Variants in CA11 observed in about 807,000 individuals in gnomAD.
The protein encoded by CA11 is carbonic anhydrase-related protein 11.
CA11 carries 20 observed loss-of-function variants against 39.3 expected under a neutral mutation model. The ratio of observed to expected loss-of-function variants is 0.51; its 90% confidence interval spans 0.36 to 0.74. CA11 has a LOEUF of 0.74. Ranked by LOEUF, CA11 falls within the 30% of genes least tolerant of loss-of-function variation. The pLI, the probability that CA11 is intolerant of heterozygous loss-of-function variation, is 0.00. For missense variants in CA11, 336 were observed against 424.6 expected (o/e 0.79, Z 1.83); for synonymous variants, 166 against 172.5 (o/e 0.96, Z 0.29).
intron 3 of CA11, among the ~76,000 whole-genome samples, chr19:48,642,705 G>T (rs768419898): frequency 2.4e-4 from 37 of 152,124 alleles, no homozygotes; most frequent in Non-Finnish European, 5.0e-4. Context: ...TTGAGAGGCA[G>T]GCCAGTGAGG....
rs570262876 is a variant in CA11, at chr19:48,645,387, C to T, written c.142+16G>A. The T allele has an allele frequency of 2.6e-5, 40 of 1,567,588 alleles. No homozygotes were observed. The highest frequency in any genetic ancestry group is 2.1e-4 in the East Asian group (9 of 42,604). On this transcript the variant is annotated intron_variant, in intron 2 of 8. Transcript: ENST00000084798. ...GCCGGGAGGGCCGGACTCCTGGGTC[C>T]CCGCCTTGGCGGCACCTGGCACGAA... is the stretch of plus-strand genomic sequence containing the variant.
chr19:48,638,374 T>TGGGGGGG (rs10561261), intron 8 of CA11: 1 of 76,660 alleles, frequency 1.3e-5, no homozygotes, highest in Non-Finnish European at 1.9e-5. Flanking sequence ...AAGGTCTTCA[T>TGGGGGGG]GGGGGGGGGG....
At position 48,639,860 on chromosome 19, in the gene CA11, C is replaced by T; in HGVS notation, c.495G>A (p.Gln165=). 1 of 1,614,118 alleles carries T rather than the reference C, an allele frequency of 6.2e-7. No individual in the cohort carries two copies. The highest frequency in any genetic ancestry group is 8.5e-7 in the Non-Finnish European group (1 of 1,180,006). Residue 165 remains glutamine (Q), a synonymous_variant, in exon 5 of 9, where the codon CAG becomes CAA. Transcript: ENST00000084798. ...CAGCGCTGAAATTCCCGTAGAGTTC[C>T]TGGTTGAAGTGAATGAGCTGCACCT... ...SAEVQLIHFN[Q]ELYGNFSAAS...
chr19:48,642,325 C>T (rs1279293396), intron 3 of CA11, among the ~76,000 whole-genome samples: 1 of 151,892 alleles, frequency 6.6e-6, no homozygotes, highest in Non-Finnish European at 1.5e-5. Context: ...ATGGTGAAAC[C>T]CCATCTCTAC....
chr19:48,638,796 G>GA (rs1186941129), intron 8 of CA11, 92 bp downstream of exon 8: 2 of 1,306,848 alleles, frequency 1.5e-6, no homozygotes, highest in African/African-American at 3.0e-5. Flanking sequence ...ACGCAGGAAG[G>GA]AGGATGGGAC....
rs1386603410 is a variant in CA11 at position 48,639,883 on chromosome 19, C to T, written c.472G>A (p.Val158Met). Reference sequence around the variant, plus strand: ...TCCTGGTTGAAGTGAATGAGCTGCACCTGGGGGTAGCACAGAGCATGGGGT... The same window carrying T: ...TCCTGGTTGAAGTGAATGAGCTGCATCTGGGGGTAGCACAGAGCATGGGGT... The part of the protein sequence containing the change: ...QINHQGFSAE[V>M]QLIHFNQELY... Residue 158 changes from valine to methionine, a missense_variant and splice_region_variant, in exon 5 of 9, where the codon GTG becomes ATG. Physicochemically the swap from Val to Met is conservative, Grantham distance 21. Coordinates refer to ENST00000084798, the MANE Select transcript of CA11 (RefSeq NM_001217.5). The T allele has an allele frequency of 6.2e-7, 1 of 1,613,696 alleles. No individual in the cohort carries two copies. Among genetic ancestry groups the T allele is most frequent in the African/African-American group, 1.3e-5 (1 of 74,984 alleles).
Position 48,645,622 on chromosome 19 carries a change from G to T in CA11, c.11C>A (p.Ala4Glu). The change falls in exon 1 of 9, where the codon GCA becomes GAA. Residue 4 changes from alanine to glutamate, a missense_variant. By Grantham distance (107) the Ala-to-Glu change is moderately radical. Coordinates refer to ENST00000084798, the MANE Select transcript of CA11 (RefSeq NM_001217.5). MGA[A>E]ARLSAPRALV... ...CGCTCGAGGGGCGCTCAGACGAGCTGCAGCCCCCATCCCCAGGAGGCCTCC... is the reference window on the plus strand; with the variant it reads ...CGCTCGAGGGGCGCTCAGACGAGCTTCAGCCCCCATCCCCAGGAGGCCTCC... 1 of 1,592,764 alleles carries T rather than the reference G, an allele frequency of 6.3e-7. No individual in the cohort carries two copies. The highest frequency in any genetic ancestry group is 8.5e-7 in the Non-Finnish European group (1 of 1,170,244).
Position 48,645,617 on chromosome 19 carries a change from G to T in CA11, c.16C>A (p.Arg6Ser). MGAAA[R>S]LSAPRALVLW... ...ACCAGCGCTCGAGGGGCGCTCAGAC[G>T]AGCTGCAGCCCCCATCCCCAGGAGG... Residue 6 changes from arginine to serine, a missense_variant, in exon 1 of 9, where the codon CGT (arginine) becomes AGT (serine). Physicochemically the swap from Arg to Ser is moderately radical, Grantham distance 110. Transcript: ENST00000084798. 1 of 1,596,214 alleles carries T rather than the reference G, an allele frequency of 6.3e-7. No individual in the cohort carries two copies. The highest frequency in any genetic ancestry group is 1.7e-5 in the Admixed American group (1 of 57,904).
At position 48,644,501 on chromosome 19, in the gene CA11, C is replaced by A; in HGVS notation, c.211G>T (p.Val71Leu). 5 of 1,611,924 alleles carry A rather than the reference C, an allele frequency of 3.1e-6. No individual in the cohort carries two copies. The highest frequency in any genetic ancestry group is 4.2e-6 in the Non-Finnish European group (5 of 1,178,618). ...LCAVGKRQSPVDVELKRVLYD... is the reference protein window; with the variant it reads ...LCAVGKRQSPLDVELKRVLYD... Reference sequence around the variant, plus strand: ...AGAACCCTCTTCAGCTCCACATCCACGGGGCTCTGCCGCTTCCCCACAGCA... The same window carrying A: ...AGAACCCTCTTCAGCTCCACATCCAAGGGGCTCTGCCGCTTCCCCACAGCA... Residue 71 changes from valine (V) to leucine (L), a missense_variant, in exon 3 of 9, where the codon GTG becomes TTG. Coordinates refer to ENST00000084798, the MANE Select transcript of CA11 (RefSeq NM_001217.5).
At chr19:48,641,823 C>CTTTTTTT (rs71179023) in intron 3 of CA11, among the ~76,000 whole-genome samples, 83 of 92,192 alleles carry the variant, frequency 9.0e-4, no homozygotes, top group Non-Finnish European at 1.3e-3. Context: ...TTTCAATTTT[C>CTTTTTTT]TTTTTTTTTT....
chr19:48,641,264 G>C (rs763488811), intron 3 of CA11, among the ~76,000 whole-genome samples: 28 of 152,206 alleles, frequency 1.8e-4, no homozygotes, highest in Admixed American at 9.8e-4. Flanking sequence ...ACAGGCGTGA[G>C]CCACCGTGCC....
chr19:48,638,719 G>A (rs1466666862), intron 8 of CA11, among the ~76,000 whole-genome samples, 169 bp downstream of exon 8: 1 of 152,138 alleles, frequency 6.6e-6, no homozygotes, highest in Non-Finnish European at 1.5e-5. Context: ...CTGGCAGGTG[G>A]ACTGTACCAC....
At position 48,638,009 on chromosome 19, in the gene CA11, C is replaced by T; in HGVS notation, c.*110G>A. ...CCCCACCGCGCCTAGAATCAGACCACTGAGAAAACAGGAAGTATTCTGTCC... is the reference window on the plus strand; with the variant it reads ...CCCCACCGCGCCTAGAATCAGACCATTGAGAAAACAGGAAGTATTCTGTCC... On this transcript the variant is annotated 3_prime_UTR_variant, in exon 9 of 9. Coordinates refer to ENST00000084798, the MANE Select transcript of CA11 (RefSeq NM_001217.5). 2.7e-6 allele frequency: 2 copies of T among 754,510 alleles called. No individual in the cohort carries two copies. Among genetic ancestry groups the T allele is most frequent in the Non-Finnish European group, 4.0e-6 (2 of 503,584 alleles). 46.7% of individuals were successfully genotyped at this position (754,510 alleles called of 1,614,324 possible). A position where few individuals can be genotyped will look rare whatever the true frequency, so the allele number is the denominator to read the frequency against.
Position 48,638,160 on chromosome 19 carries a change from C to T in CA11, c.962-16G>A. On this transcript the variant is annotated splice_polypyrimidine_tract_variant and intron_variant, in intron 8 of 8. Coordinates refer to ENST00000084798, the MANE Select transcript of CA11 (RefSeq NM_001217.5). ...ACACCATCCACTGTAAGACAGAGAACAACGGCAGGGGGCGTCAGTATAGGA... is the reference window on the plus strand; with the variant it reads ...ACACCATCCACTGTAAGACAGAGAATAACGGCAGGGGGCGTCAGTATAGGA... 7.7e-7 allele frequency: 1 copy of T among 1,298,744 alleles called. No homozygotes were observed. Among genetic ancestry groups the T allele is most frequent in the Non-Finnish European group, 1.0e-6 (1 of 1,003,230 alleles). 80.5% of individuals were successfully genotyped at this position (1,298,744 alleles called of 1,614,324 possible).
In CA11 at chr19:48,639,785, C is replaced by G. The variant is rs954758614; in HGVS notation, c.567+3G>C. On this transcript the variant is annotated splice_donor_region_variant and intron_variant, in intron 5 of 8. Transcript: ENST00000084798. The stretch of plus-strand genomic sequence containing the variant: ...CCTCCCTCTGAATCTCGCCTCCGCT[C>G]ACGTTGACAAAGAGGCTGAGAATGG... The G allele has an allele frequency of 1.9e-6, 3 of 1,613,512 alleles. No individual in the cohort carries two copies. The highest frequency in any genetic ancestry group is 2.5e-6 in the Non-Finnish European group (3 of 1,179,628).
intron 3 of CA11, 56 bp downstream of exon 3, chr19:48,644,371 C>A (rs2031180841): frequency 2.7e-6 from 4 of 1,468,876 alleles, no homozygotes; most frequent in Non-Finnish European, 2.7e-6. Flanking sequence ...ATTCCCCAGC[C>A]TCTATTCATG....
chr19:48,645,413 G>A lies in CA11; in HGVS notation c.132C>T (p.Asn44=). ...WWSYKDNLQG[N]FVPGPPFWGL... ...CCGCCTTGGCGGCACCTGGCACGAA[G>A]TTTCCCTGGAGATTATCCTTGTAGC... is the stretch of plus-strand genomic sequence containing the variant. The change falls in exon 2 of 9, where the codon AAC becomes AAT. Residue 44 remains asparagine, a synonymous_variant. Transcript: ENST00000084798. 1 of 1,590,442 alleles carries A rather than the reference G, an allele frequency of 6.3e-7. No individual in the cohort carries two copies. Among genetic ancestry groups the A allele is most frequent in the South Asian group, 1.1e-5 (1 of 87,858 alleles).
Position 48,638,074 on chromosome 19 carries a change from G to C in CA11, c.*45C>G, listed in dbSNP as rs1241355822. On this transcript the variant is annotated 3_prime_UTR_variant, in exon 9 of 9. Transcript: ENST00000084798. Reference sequence around the variant, plus strand: ...TTTTAGGGGTAACTCCCCTCGCCTTGTGGGGAGGCTTAGGACGGGCGGGTG... The same window carrying C: ...TTTTAGGGGTAACTCCCCTCGCCTTCTGGGGAGGCTTAGGACGGGCGGGTG... The C allele has an allele frequency of 2.1e-6, 3 of 1,423,420 alleles. No individual in the cohort carries two copies. Among genetic ancestry groups the C allele is most frequent in the Middle Eastern group, 1.8e-4 (1 of 5,506 alleles). 88.2% of individuals were successfully genotyped at this position (1,423,420 alleles called of 1,614,324 possible).
chr19:48,640,233 A>C lies in CA11; in HGVS notation c.333T>G (p.Pro111=). Residue 111 remains proline (P), a synonymous_variant, in exon 4 of 9, where the codon CCT becomes CCG. Transcript: ENST00000084798. Reference sequence around the variant, plus strand: ...ACACATTGACCACAGGTCGGGGTGCAGGCAGGAAGGAGACATGTCGGCCGG... The same window carrying C: ...ACACATTGACCACAGGTCGGGGTGCCGGCAGGAAGGAGACATGTCGGCCGG... ...YNTGRHVSFL[P]APRPVVNVSG... The C allele has an allele frequency of 6.2e-7, 1 of 1,614,056 alleles. No homozygotes were observed. Among genetic ancestry groups the C allele is most frequent in the Non-Finnish European group, 8.5e-7 (1 of 1,179,990 alleles).
Sources: gnomAD v4.1 joint callset for allele counts (sites outside exome capture counted in the v4.1 genomes callset) on GRCh38, gnomAD v4.1.1 for gene constraint, MANE v1.5 for transcripts, NCBI Gene and HGNC (gene_info 2026-07-23, HGNC 2026-07-21) for gene names.